Variants in OTUD3 observed in about 807,000 individuals in gnomAD.
OTUD3 encodes OTU domain-containing protein 3.
OTUD3 carries 24 observed loss-of-function variants against 46.2 expected under a neutral mutation model. The observed-to-expected ratio is 0.52, with a 90% CI of 0.38 to 0.73. OTUD3 has a LOEUF of 0.73. Among genes scored for constraint, OTUD3 ranks in the 30% least tolerant of loss-of-function variants. The probability of loss-of-function intolerance (pLI) is 0.00; values close to 1 mark genes in which losing one functional copy is unlikely to be tolerated. For synonymous variants in OTUD3, 189 were observed against 195.4 expected, an observed-to-expected ratio of 0.97 and a Z score of 0.27; for missense variants, 455 against 523.3, an observed-to-expected ratio of 0.87 and a Z score of 1.27.
In OTUD3 at chr1:19,882,460, G is replaced by A; in HGVS notation, c.-54G>A. 7.5e-7 allele frequency: 1 copy of A among 1,326,032 alleles called. No individual in the cohort carries two copies. The highest frequency in any genetic ancestry group is 9.6e-7 in the Non-Finnish European group (1 of 1,043,276). The allele number at this position is 1,326,032 out of a possible 1,614,324, so 82.1% of individuals were successfully genotyped here. On this transcript the variant is annotated 5_prime_UTR_variant, in exon 1 of 8. Coordinates refer to ENST00000375120, the MANE Select transcript of OTUD3 (RefSeq NM_015207.2). ...TACCTTCCCAACGCTTGAGGCGGACGCTGGGGGGTCCTGCGCCTTTCCCTC... is the reference window on the plus strand; with the variant it reads ...TACCTTCCCAACGCTTGAGGCGGACACTGGGGGGTCCTGCGCCTTTCCCTC...
chr1:19,896,848 G>A (rs989781409), intron 3 of OTUD3, among the ~76,000 whole-genome samples: 2 of 152,146 alleles, frequency 1.3e-5, no homozygotes, highest in Admixed American at 6.5e-5. Context: ...TGTGTGTCAG[G>A]GGTGTAGTTC....
chr1:19,906,170 C>A (rs544529937), intron 6 of OTUD3, among the ~76,000 whole-genome samples: 10 of 152,286 alleles, frequency 6.6e-5, no homozygotes, highest in African/African-American at 2.4e-4. Context: ...CATGTTAAGA[C>A]ATAATTTATC....
chr1:19,906,299 G>A (rs1263949310), intron 6 of OTUD3, 133 bp from the exon 7 acceptor site: 26 of 695,160 alleles, frequency 3.7e-5, no homozygotes, highest in Non-Finnish European at 4.4e-5. Context: ...CTTGACATTC[G>A]AATTTGTCTC....
intron 3 of OTUD3, among the ~76,000 whole-genome samples, chr1:19,896,881 C>T (rs1022218070): frequency 3.1e-4 from 47 of 152,068 alleles, no homozygotes; most frequent in Non-Finnish European, 1.3e-4. Flanking sequence ...TTGTGGGTGG[C>T]GCCTGCAGGG....
chr1:19,894,571 T>C (rs1396674460), intron 3 of OTUD3, 91 bp downstream of exon 3: 3 of 752,462 alleles, frequency 4.0e-6, no homozygotes, highest in Admixed American at 5.8e-5. Context: ...CCTGTGAACA[T>C]TGAATTATGC....
chr1:19,888,358 T>TAAAG (rs2045400148), intron 1 of OTUD3, among the ~76,000 whole-genome samples: 2 of 152,280 alleles, frequency 1.3e-5, no homozygotes, highest in East Asian at 3.9e-4. Flanking sequence ...TCTCATGAGT[T>TAAAG]TCTTGAGTGC....
At position 19,906,431 on chromosome 1, in the gene OTUD3, G is replaced by T. The variant is rs758345014; in HGVS notation, c.836-1G>T. On this transcript the variant is annotated splice_acceptor_variant, in intron 6 of 7. Coordinates refer to ENST00000375120, the MANE Select transcript of OTUD3 (RefSeq NM_015207.2). LOFTEE classifies it high-confidence loss of function. Reference sequence around the variant, plus strand: ...TTTAATGAAATGTCTTTCTTTGGAAGATGCAGAAGAGAATCTTGAGCCCAG... The same window carrying T: ...TTTAATGAAATGTCTTTCTTTGGAATATGCAGAAGAGAATCTTGAGCCCAG... 4 of 1,612,878 alleles carry T rather than the reference G, an allele frequency of 2.5e-6. No individual in the cohort carries two copies. Among genetic ancestry groups the T allele is most frequent in the Admixed American group, 1.7e-5 (1 of 59,840 alleles).
chr1:19,891,459 C>T (rs2045445133), intron 2 of OTUD3, among the ~76,000 whole-genome samples: 1 of 152,062 alleles, frequency 6.6e-6, no homozygotes, highest in African/African-American at 2.4e-5. Flanking sequence ...GGGAGAGAGA[C>T]TGATAAAGGA....
intron 1 of OTUD3, among the ~76,000 whole-genome samples, chr1:19,887,395 A>G (rs187576346): frequency 2.3e-3 from 352 of 152,122 alleles, no homozygotes; most frequent in Non-Finnish European, 4.3e-3. Context: ...ATGATCTCTC[A>G]TATTTTCTTA....
chr1:19,898,464 C>T (rs956392515), intron 4 of OTUD3, among the ~76,000 whole-genome samples: 41 of 151,900 alleles, frequency 2.7e-4, no homozygotes, highest in Non-Finnish European at 5.0e-4. Flanking sequence ...CGTGGTGGCT[C>T]ACACCTGTAA....
At chr1:19,888,964 C>G (rs1299993245) in intron 1 of OTUD3, among the ~76,000 whole-genome samples, 1 of 152,114 alleles carries the variant, frequency 6.6e-6, no homozygotes, top group African/African-American at 2.4e-5. Flanking sequence ...CTGTAGAATA[C>G]CATGAATTTT....
At chr1:19,899,755 A>G (rs772943149) in intron 4 of OTUD3, among the ~76,000 whole-genome samples, 10 of 152,218 alleles carry the variant, frequency 6.6e-5, no homozygotes, top group Non-Finnish European at 1.5e-4. Flanking sequence ...TCGTCAACAT[A>G]GTGTTACCAA....
At chr1:19,903,510 C>T (rs2045619866) in intron 4 of OTUD3, among the ~76,000 whole-genome samples, 1 of 152,106 alleles carries the variant, frequency 6.6e-6, no homozygotes, top group African/African-American at 2.4e-5. Flanking sequence ...CTGTACATTG[C>T]TGGAGTCCAC....
intron 2 of OTUD3, among the ~76,000 whole-genome samples, chr1:19,893,003 TTC>T (rs151287031): frequency 6.6e-6 from 1 of 151,858 alleles, no homozygotes; most frequent in African/African-American, 2.4e-5. Flanking sequence ...CATATTAGAG[TTC>T]TCTCTCTCTC....
At chr1:19,900,563 A>G (rs989593717) in intron 4 of OTUD3, among the ~76,000 whole-genome samples, 3 of 152,186 alleles carry the variant, frequency 2.0e-5, no homozygotes, top group African/African-American at 4.8e-5. Context: ...GTAGGAGGCT[A>G]TGGATCCAAC....
intron 7 of OTUD3, among the ~76,000 whole-genome samples, chr1:19,907,358 G>A (rs1190867154): frequency 6.6e-6 from 1 of 152,200 alleles, no homozygotes; most frequent in Non-Finnish European, 1.5e-5. Flanking sequence ...GAGAAGAATG[G>A]AATTGATTTT....
At chr1:19,903,224 A>G (rs1571180797) in intron 4 of OTUD3, among the ~76,000 whole-genome samples, 2 of 150,096 alleles carry the variant, frequency 1.3e-5, no homozygotes, top group East Asian at 3.9e-4. Context: ...ATTCTTTTGT[A>G]TTTTTTTTGT....
At chr1:19,905,373 T>C (rs2045645435) in intron 6 of OTUD3, among the ~76,000 whole-genome samples, 1 of 152,050 alleles carries the variant, frequency 6.6e-6, no homozygotes, top group Admixed American at 6.6e-5. Context: ...TATTTAGATT[T>C]GTATTAGCTT....
At chr1:19,892,644 G>A (rs1401377663) in intron 2 of OTUD3, among the ~76,000 whole-genome samples, 6 of 151,938 alleles carry the variant, frequency 3.9e-5, no homozygotes, top group Non-Finnish European at 5.9e-5. Context: ...TCTCTTACCC[G>A]TTCATTACAT....
Sources: gnomAD v4.1 joint callset for allele counts (sites outside exome capture counted in the v4.1 genomes callset) on GRCh38, gnomAD v4.1.1 for gene constraint, MANE v1.5 for transcripts, NCBI Gene and HGNC (gene_info 2026-07-23, HGNC 2026-07-21) for gene names.